Variants in C1orf21 observed in about 807,000 individuals in gnomAD.
C1orf21 encodes uncharacterized protein C1orf21.
Under a neutral mutation model 18.7 loss-of-function variants are expected in C1orf21, and 3 were observed. The observed-to-expected ratio is 0.16, with a 90% CI of 0.07 to 0.42. The LOEUF is 0.42. Ranked by LOEUF, C1orf21 falls within the 10% of genes least tolerant of loss-of-function variation. The pLI, the probability that C1orf21 is intolerant of heterozygous loss-of-function variation, is 0.99. For missense variants in C1orf21, 104 were observed against 143.6 expected (o/e 0.72, Z 1.41); for synonymous variants, 41 against 46.4 (o/e 0.88, Z 0.47).
intron 1 of C1orf21, among the ~76,000 whole-genome samples, chr1:184,469,174 CAGG>C: frequency 6.6e-6 from 1 of 152,236 alleles, no homozygotes; most frequent in East Asian, 1.9e-4. Flanking sequence ...TGCTTGAACC[CAGG>C]AGGCAGAGGT....
chr1:184,492,299 G>A (rs1264566334), intron 2 of C1orf21, among the ~76,000 whole-genome samples: 1 of 152,200 alleles, frequency 6.6e-6, no homozygotes, highest in Non-Finnish European at 1.5e-5. Flanking sequence ...TTGGGAGTGA[G>A]TGGGTGGAAC....
intron 3 of C1orf21, among the ~76,000 whole-genome samples, chr1:184,529,587 A>G (rs1341561217): frequency 6.6e-6 from 1 of 152,234 alleles, no homozygotes; most frequent in African/African-American, 2.4e-5. Flanking sequence ...GAGATGTATC[A>G]TATTGGATCA....
chr1:184,604,546 CA>C (rs1233096085), intron 5 of C1orf21, among the ~76,000 whole-genome samples: 1 of 152,260 alleles, frequency 6.6e-6, no homozygotes, highest in Non-Finnish European at 1.5e-5. Flanking sequence ...CTCCCTTCAT[CA>C]CCTTGCCTTG....
chr1:184,520,342 A>G (rs1033025621), intron 3 of C1orf21, among the ~76,000 whole-genome samples: 4 of 152,194 alleles, frequency 2.6e-5, no homozygotes, highest in African/African-American at 9.6e-5. Context: ...TTTACAGTTG[A>G]GTGCATAAAA....
chr1:184,610,813 C>G (rs981083672), intron 5 of C1orf21, among the ~76,000 whole-genome samples: 2 of 149,770 alleles, frequency 1.3e-5, no homozygotes, highest in Admixed American at 6.7e-5. Context: ...GCCCACTGCA[C>G]TCCAGCCTGA....
At chr1:184,558,499 G>A (rs905268862) in intron 3 of C1orf21, among the ~76,000 whole-genome samples, 2 of 152,182 alleles carry the variant, frequency 1.3e-5, no homozygotes, top group African/African-American at 4.8e-5. Flanking sequence ...TAGATTGTAA[G>A]CATCTAGGAA....
At chr1:184,569,238 A>T (rs1659077013) in intron 3 of C1orf21, among the ~76,000 whole-genome samples, 1 of 152,182 alleles carries the variant, frequency 6.6e-6, no homozygotes, top group Non-Finnish European at 1.5e-5. Context: ...TCTCTGGAGG[A>T]ACTGGAGTTG....
At chr1:184,486,266 C>T (rs565146129) in intron 2 of C1orf21, among the ~76,000 whole-genome samples, 39 of 152,248 alleles carry the variant, frequency 2.6e-4, no homozygotes, top group African/African-American at 7.5e-4. Flanking sequence ...ATGAAACATG[C>T]GTGTATGTGA....
intron 3 of C1orf21, among the ~76,000 whole-genome samples, chr1:184,586,722 C>T (rs1376845630): frequency 1.3e-5 from 2 of 152,142 alleles, no homozygotes; most frequent in East Asian, 3.9e-4. Flanking sequence ...TGTCTGTTCA[C>T]TCTGATGATA....
chr1:184,410,173 T>C (rs1656309659), intron 1 of C1orf21, among the ~76,000 whole-genome samples: 1 of 152,206 alleles, frequency 6.6e-6, no homozygotes, highest in Non-Finnish European at 1.5e-5. Context: ...AGCTTGTGCA[T>C]CTAGGAATAA....
In C1orf21 at chr1:184,500,079, G is replaced by A. The variant is rs530704388; in HGVS notation, c.95-7509G>A. 6.2e-4 allele frequency among the ~76,000 whole-genome samples: 94 copies of A among 152,278 alleles called. 1 individual carries two copies. Among genetic ancestry groups the A allele is most frequent in the African/African-American group, 2.1e-3 (89 of 41,562 alleles). The stretch of plus-strand genomic sequence containing the variant: ...GTCTTCCCTTTCTGGAAGTGGCTCT[G>A]AATCCTTGGCCACTCATTCTGTTCC... On this transcript the variant is annotated intron_variant, in intron 2 of 5. Coordinates refer to ENST00000235307, the MANE Select transcript of C1orf21 (RefSeq NM_030806.4).
intron 3 of C1orf21, among the ~76,000 whole-genome samples, chr1:184,540,985 G>A (rs1339567): frequency 0.53 from 80,782 of 152,086 alleles, 21,946 homozygotes; most frequent in African/African-American, 0.67. Context: ...TATGCTTCCT[G>A]TTTGCCATGT....
At chr1:184,498,060 G>A (rs1360042867) in intron 2 of C1orf21, among the ~76,000 whole-genome samples, 5 of 151,910 alleles carry the variant, frequency 3.3e-5, no homozygotes, top group South Asian at 2.1e-4. Flanking sequence ...ATTCTATGCC[G>A]CTCATTAGCT....
chr1:184,403,137 A>C (rs1191515915), intron 1 of C1orf21, among the ~76,000 whole-genome samples: 1 of 152,234 alleles, frequency 6.6e-6, no homozygotes, highest in Non-Finnish European at 1.5e-5. Flanking sequence ...AAGAACTCTT[A>C]ACATGTACAA....
chr1:184,579,292 TC>T (rs1474303924), intron 3 of C1orf21, among the ~76,000 whole-genome samples: 1 of 150,006 alleles, frequency 6.7e-6, no homozygotes, highest in Non-Finnish European at 1.5e-5. Context: ...ACTCAAGTGA[TC>T]TGCCCACCTC....
chr1:184,454,944 GAGAA>G (rs1478481998), intron 1 of C1orf21, among the ~76,000 whole-genome samples: 1 of 152,184 alleles, frequency 6.6e-6, no homozygotes, highest in East Asian at 1.9e-4. Context: ...TAAGAGAAAA[GAGAA>G]AGAAAGAGGG....
At chr1:184,552,547 T>A (rs1658827391) in intron 3 of C1orf21, among the ~76,000 whole-genome samples, 1 of 152,200 alleles carries the variant, frequency 6.6e-6, no homozygotes, top group African/African-American at 2.4e-5. Context: ...AATTAATAAT[T>A]ATTTTCCTAG....
At chr1:184,406,262 A>C (rs928335838) in intron 1 of C1orf21, among the ~76,000 whole-genome samples, 2 of 152,226 alleles carry the variant, frequency 1.3e-5, no homozygotes, top group Non-Finnish European at 2.9e-5. Flanking sequence ...AATGCATGTA[A>C]AATTCATCTT....
At chr1:184,464,886 G>T (rs1657364384) in intron 1 of C1orf21, among the ~76,000 whole-genome samples, 1 of 152,160 alleles carries the variant, frequency 6.6e-6, no homozygotes, top group Non-Finnish European at 1.5e-5. Flanking sequence ...GGGACCCCTA[G>T]TAAGTTATCT....
Sources: gnomAD v4.1 joint callset for allele counts (sites outside exome capture counted in the v4.1 genomes callset) on GRCh38, gnomAD v4.1.1 for gene constraint, MANE v1.5 for transcripts, NCBI Gene and HGNC (gene_info 2026-07-23, HGNC 2026-07-21) for gene names.